Variants in HPSE2 observed in about 807,000 individuals in gnomAD.
HPSE2 encodes inactive heparanase-2.
A neutral mutation model predicts 60.5 loss-of-function variants in HPSE2; 38 were observed. The observed-to-expected ratio is 0.63, with a 90% confidence interval of 0.48 to 0.82. The LOEUF (loss-of-function observed/expected upper bound fraction) is 0.82. Among genes scored for constraint, HPSE2 ranks in the 40% least tolerant of loss-of-function variants. HPSE2 has a pLI of 0.00. For missense variants in HPSE2, 713 were observed against 740.4 expected, an observed-to-expected ratio of 0.96 and a Z score of 0.43; for synonymous variants, 295 against 293.2, an observed-to-expected ratio of 1.01 and a Z score of -0.06.
chr10:98,508,877 A>G (rs1212640832), intron 9 of HPSE2, among the ~76,000 whole-genome samples: 4 of 152,234 alleles, frequency 2.6e-5, no homozygotes, highest in Non-Finnish European at 5.9e-5. Flanking sequence ...AGGGCAGATC[A>G]TAGAGACCTA....
chr10:98,480,523 G>A (rs895011610), intron 11 of HPSE2, among the ~76,000 whole-genome samples: 2 of 152,150 alleles, frequency 1.3e-5, no homozygotes, highest in Non-Finnish European at 2.9e-5. Flanking sequence ...GAAAGACAGG[G>A]GTTAAGGTAT....
intron 6 of HPSE2, among the ~76,000 whole-genome samples, chr10:98,654,003 TCACTC>T (rs1946991158): frequency 6.6e-6 from 1 of 152,122 alleles, no homozygotes; most frequent in Non-Finnish European, 1.5e-5. Context: ...TTTAATGATT[TCACTC>T]CACTATTTTC....
chr10:99,147,372 T>A (rs1226750971), intron 2 of HPSE2, among the ~76,000 whole-genome samples: 3 of 152,162 alleles, frequency 2.0e-5, no homozygotes, highest in Non-Finnish European at 2.9e-5. Context: ...TCAGAAAAAA[T>A]TATAAAACTT....
At chr10:98,630,663 A>AC in intron 7 of HPSE2, among the ~76,000 whole-genome samples, 1 of 151,750 alleles carries the variant, frequency 6.6e-6, no homozygotes, top group East Asian at 1.9e-4. Context: ...CTTTGGACCT[A>AC]CCTCTGACCT....
intron 3 of HPSE2, among the ~76,000 whole-genome samples, chr10:99,033,473 T>G (rs150495729): frequency 6.6e-6 from 1 of 151,908 alleles, no homozygotes; most frequent in African/African-American, 2.4e-5. Flanking sequence ...TATATACCTA[T>G]TAGAAAAGCA....
intron 3 of HPSE2, among the ~76,000 whole-genome samples, chr10:98,946,917 C>T (rs1255527471): frequency 6.6e-6 from 1 of 151,998 alleles, no homozygotes; most frequent in African/African-American, 2.4e-5. Context: ...CAGTAAATTG[C>T]ATATCACAGT....
At position 98,889,621 on chromosome 10, in the gene HPSE2, G is replaced by A. The variant is rs574812748; in HGVS notation, c.611-145565C>T. 2.0e-5 allele frequency among the ~76,000 whole-genome samples: 3 copies of A among 152,280 alleles called. No homozygotes were observed. The East Asian group carries it at 5.8e-4, about 29-fold the overall frequency. The stretch of plus-strand genomic sequence containing the variant: ...TATAGAAGGAAAATACAAATATCTG[G>A]ATGATAACAAAGTGTATTGCAAAAG... On this transcript the variant is annotated intron_variant, in intron 3 of 11. Coordinates refer to ENST00000370552, the MANE Select transcript of HPSE2 (RefSeq NM_021828.5).
intron 3 of HPSE2, among the ~76,000 whole-genome samples, chr10:98,920,697 G>T (rs1252011842): frequency 6.6e-6 from 1 of 151,984 alleles, no homozygotes; most frequent in Non-Finnish European, 1.5e-5. Context: ...TCATATAATT[G>T]AATTAAATTA....
the HPSE2 span, among the ~76,000 whole-genome samples, chr10:99,265,498 G>A: frequency 2.6e-5 from 4 of 152,180 alleles, no homozygotes; most frequent in African/African-American, 9.7e-5. Context: ...TAATACCTAG[G>A]TGACGGGATG....
chr10:98,967,662 G>A (rs1955846933), intron 3 of HPSE2, among the ~76,000 whole-genome samples: 1 of 152,126 alleles, frequency 6.6e-6, no homozygotes, highest in African/African-American at 2.4e-5. Context: ...GCCTCAGACA[G>A]ACTCTAAGCT....
At chr10:98,516,965 C>T (rs184056356) in intron 9 of HPSE2, among the ~76,000 whole-genome samples, 2 of 152,320 alleles carry the variant, frequency 1.3e-5, no homozygotes, top group Non-Finnish European at 2.9e-5. Context: ...TCCTGCTTTT[C>T]ACTAGGATTG....
chr10:98,909,635 T>TA (rs770316849), intron 3 of HPSE2, among the ~76,000 whole-genome samples: 2,668 of 134,802 alleles, frequency 0.02, 48 homozygotes, highest in African/African-American at 0.049. Context: ...TCTCAAAATT[T>TA]AAAAAAAAAA....
chr10:99,028,608 A>G (rs1289178370), intron 3 of HPSE2, among the ~76,000 whole-genome samples: 2 of 152,178 alleles, frequency 1.3e-5, no homozygotes, highest in South Asian at 4.1e-4. Flanking sequence ...TACCAATGAC[A>G]TTCTTCACAG....
At chr10:98,572,501 G>A (rs565413241) in intron 9 of HPSE2, among the ~76,000 whole-genome samples, 1 of 152,124 alleles carries the variant, frequency 6.6e-6, no homozygotes, top group South Asian at 2.1e-4. Context: ...GTGCATTACG[G>A]ATGCCTGGGG....
intron 4 of HPSE2, 49 bp from the exon 5 acceptor site, chr10:98,721,877 G>T: frequency 6.8e-7 from 1 of 1,480,700 alleles, no homozygotes; most frequent in East Asian, 2.3e-5. Flanking sequence ...GTAAGGTTCT[G>T]CCAACACTTT....
intron 3 of HPSE2, among the ~76,000 whole-genome samples, chr10:99,079,973 C>T (rs949733281): frequency 6.6e-6 from 1 of 152,126 alleles, no homozygotes; most frequent in African/African-American, 2.4e-5. Context: ...AGGTTTCTTT[C>T]TGATTGTATG....
intron 11 of HPSE2, among the ~76,000 whole-genome samples, chr10:98,481,172 C>T (rs1197196358): frequency 1.3e-5 from 2 of 152,138 alleles, no homozygotes; most frequent in Non-Finnish European, 2.9e-5. Context: ...GCAGAGTCAG[C>T]CCTTCTGTCA....
chr10:98,606,271 G>A (rs1945583536), intron 9 of HPSE2, among the ~76,000 whole-genome samples: 1 of 152,160 alleles, frequency 6.6e-6, no homozygotes, highest in South Asian at 2.1e-4. Flanking sequence ...GAGGAGTAGA[G>A]AAAAATAAAA....
intron 2 of HPSE2, among the ~76,000 whole-genome samples, chr10:99,161,360 A>T (rs951776729): frequency 6.6e-6 from 1 of 152,236 alleles, no homozygotes; most frequent in Non-Finnish European, 1.5e-5. Flanking sequence ...AATGCCATTC[A>T]GAAATAAAAA....
Sources: gnomAD v4.1 joint callset for allele counts (sites outside exome capture counted in the v4.1 genomes callset) on GRCh38, gnomAD v4.1.1 for gene constraint, MANE v1.5 for transcripts, NCBI Gene and HGNC (gene_info 2026-07-23, HGNC 2026-07-21) for gene names.